The following HTT variants were observed in gnomAD, a reference collection of about 807,000 sequenced individuals.
The protein encoded by HTT is huntington disease protein.
A neutral mutation model predicts 362.3 loss-of-function variants in HTT; 104 were observed. The observed-to-expected ratio is 0.29, with a 90% confidence interval of 0.24 to 0.34. The LOEUF (loss-of-function observed/expected upper bound fraction) is 0.34. HTT is among the 10% of genes least tolerant of loss of function. The pLI is 1.00. For synonymous variants in HTT, 1,577 were observed against 1,548.7 expected (o/e 1.02, Z -0.43); for missense variants, 3,301 against 3,928.6 (o/e 0.84, Z 4.27).
At chr4:3,199,983 C>G in intron 41 of HTT, 44 bp downstream of exon 41, 1 of 1,535,612 alleles carries the variant, frequency 6.5e-7, no homozygotes, top group Non-Finnish European at 8.9e-7. Flanking sequence ...AGCCCAGCAC[C>G]CTGTCCTGAG....
Position 3,131,694 on chromosome 4 carries a change from G to A in HTT, c.2155G>A (p.Val719Met), listed in dbSNP as rs370257023. 3.7e-6 allele frequency: 6 copies of A among 1,613,684 alleles called. No homozygotes were observed. Among genetic ancestry groups the A allele is most frequent in the Non-Finnish European group, 5.1e-6 (6 of 1,179,736 alleles). ...VSVKALALSC[V>M]GAAVALHPES... ...CGTGAAGGCCCTGGCCCTCAGCTGT[G>A]TGGGAGCAGCTGTGGCCCTCCACCC... Residue 719 changes from valine (V) to methionine (M), a missense_variant, in exon 16 of 67, where the codon GTG becomes ATG. By Grantham distance (21) the Val-to-Met change is conservative. This residue lies in a region of HTT where 2,316 missense variants were observed against 2,658.5 expected (regional missense o/e 0.87). Coordinates refer to ENST00000355072, the MANE Select transcript of HTT (RefSeq NM_001388492.1).
intron 40 of HTT, among the ~76,000 whole-genome samples, chr4:3,196,238 G>C (rs1330673379): frequency 3.3e-5 from 5 of 152,136 alleles, no homozygotes. Context: ...CTTCTCATGA[G>C]CCTCTGTCCA....
At chr4:3,081,198 T>A (rs1261925624) in intron 1 of HTT, among the ~76,000 whole-genome samples, 1 of 152,234 alleles carries the variant, frequency 6.6e-6, no homozygotes, top group East Asian at 1.9e-4. Flanking sequence ...TTAACAATAT[T>A]GTCTTCCACC....
intron 1 of HTT, among the ~76,000 whole-genome samples, chr4:3,082,044 A>G (rs1003479910): frequency 3.3e-5 from 5 of 152,178 alleles, no homozygotes; most frequent in African/African-American, 7.2e-5. Context: ...TCTTCTTCCC[A>G]GATTTTAATA....
At chr4:3,117,873 A>G (rs1007140908) in intron 8 of HTT, among the ~76,000 whole-genome samples, 2 of 152,224 alleles carry the variant, frequency 1.3e-5, no homozygotes, top group East Asian at 1.9e-4. Flanking sequence ...AAACAGTGCC[A>G]TTGTTAGACC....
chr4:3,131,062 C>T (rs903675567), intron 14 of HTT, among the ~76,000 whole-genome samples: 1 of 151,966 alleles, frequency 6.6e-6, no homozygotes, highest in Non-Finnish European at 1.5e-5. Flanking sequence ...TGCATTTATC[C>T]CCTGCCACAG....
chr4:3,115,965 C>T (rs1715002446), intron 7 of HTT, 120 bp from the exon 8 acceptor site: 17 of 913,108 alleles, frequency 1.9e-5, no homozygotes, highest in South Asian at 1.8e-4. Context: ...ATGGCGTACT[C>T]GTTCATGATC....
At chr4:3,105,301 A>G in intron 4 of HTT, 56 bp from the exon 5 acceptor site, 1 of 1,158,054 alleles carries the variant, frequency 8.6e-7, no homozygotes, top group South Asian at 1.3e-5. Flanking sequence ...TTTCTATGCA[A>G]CCCTCTTGGT....
rs188101620 is a variant in HTT, at chr4:3,136,309, C to T, written c.2781C>T (p.Ala927=). The T allele has an allele frequency of 9.3e-5, 148 of 1,588,764 alleles. 1 individual carries two copies. In the East Asian group the frequency reaches 2.5e-3, roughly 27 times the overall value. Residue 927 remains alanine, a synonymous_variant, in exon 21 of 67, where the codon GCC becomes GCT. Coordinates refer to ENST00000355072, the MANE Select transcript of HTT (RefSeq NM_001388492.1). ...AAGACCCCAGGGTGCGACATGTTGC[C>T]GCAGCATCACTAATTAGGTATTTAC... The part of the protein sequence containing the change: ...GDEDPRVRHV[A]AASLIRLVPK...
At chr4:3,159,476 C>T (rs185954090) in intron 28 of HTT, among the ~76,000 whole-genome samples, 63 of 152,304 alleles carry the variant, frequency 4.1e-4, no homozygotes, top group African/African-American at 1.4e-3. Context: ...TTCCTTGGAC[C>T]CTCAGTGGTG....
chr4:3,135,665 T>C (rs984074928), intron 19 of HTT, among the ~76,000 whole-genome samples: 1 of 152,210 alleles, frequency 6.6e-6, no homozygotes, highest in Admixed American at 6.5e-5. Flanking sequence ...TCTTTTGAAA[T>C]AGTATTTATT....
intron 33 of HTT, among the ~76,000 whole-genome samples, chr4:3,175,441 A>G (rs1022328792): frequency 1.3e-5 from 2 of 152,238 alleles, no homozygotes; most frequent in Admixed American, 6.5e-5. Context: ...TTGTTTGGGG[A>G]ACATTTTTGC....
At chr4:3,233,101 G>T (rs2269478) in intron 60 of HTT, 62 bp from the exon 61 acceptor site, 577,750 of 1,415,940 alleles carry the variant, frequency 0.41, 120,101 homozygotes, top group African/African-American at 0.47. Flanking sequence ...TCGGCTGTGG[G>T]GAGGAGCCAC....
rs751985106 is a variant in HTT, at chr4:3,238,835, C to T, written c.9072C>T (p.His3024=). 2 of 1,611,178 alleles carry T rather than the reference C, an allele frequency of 1.2e-6. No homozygotes were observed. Among genetic ancestry groups the T allele is most frequent in the African/African-American group, 1.3e-5 (1 of 74,938 alleles). Residue 3024 remains histidine (H), a synonymous_variant, in exon 66 of 67, where the codon CAC becomes CAT. Transcript: ENST00000355072. ...TVVYKVFQTL[H]STGQSSMVRD... is the part of the protein sequence containing the mutation. ...CCTTGCAGGTGTTTCAGACTCTGCA[C>T]AGCACCGGGCAGTCGTCCATGGTCC...
chr4:3,238,808 C>T lies in HTT; in HGVS notation c.9055-10C>T, dbSNP rs897948024. 2.0e-6 allele frequency: 3 copies of T among 1,475,470 alleles called. No individual in the cohort carries two copies. The highest frequency in any genetic ancestry group is 2.7e-6 in the Non-Finnish European group (3 of 1,095,032). The allele number at this position is 1,475,470 out of a possible 1,614,324, so 91.4% of individuals were successfully genotyped here. A position where few individuals can be genotyped will look rare whatever the true frequency, so the allele number is the denominator to read the frequency against. On this transcript the variant is annotated splice_polypyrimidine_tract_variant and intron_variant, in intron 65 of 66. Coordinates refer to ENST00000355072, the MANE Select transcript of HTT (RefSeq NM_001388492.1). ...GCCCTGACACTCAGGCACCTGCTTG[C>T]TCCTTGCAGGTGTTTCAGACTCTGC...
intron 3 of HTT, among the ~76,000 whole-genome samples, chr4:3,100,348 T>C (rs1040339258): frequency 6.6e-6 from 1 of 152,196 alleles, no homozygotes; most frequent in Admixed American, 6.5e-5. Flanking sequence ...GATTGATGGG[T>C]GTGGCACTGC....
At chr4:3,104,347 T>C (rs533722136) in intron 4 of HTT, among the ~76,000 whole-genome samples, 54 of 151,392 alleles carry the variant, frequency 3.6e-4, no homozygotes, top group African/African-American at 1.1e-3. Context: ...CAGTGGCTCA[T>C]GCCTGTAATC....
intron 37 of HTT, among the ~76,000 whole-genome samples, chr4:3,183,864 G>T (rs190588836): frequency 2.2e-4 from 34 of 152,302 alleles, no homozygotes; most frequent in Admixed American, 2.2e-3. Context: ...CACCTGCCAG[G>T]TAGCTCACCA....
rs1273503483 is a variant in HTT at position 3,197,516 on chromosome 4, C to T, written c.5369-2216C>T. Among the ~76,000 whole-genome samples, 3 of 152,140 alleles carry T rather than the reference C, an allele frequency of 2.0e-5. No individual in the cohort carries two copies. The East Asian group carries it at 5.8e-4, about 29-fold the overall frequency. On this transcript the variant is annotated intron_variant, in intron 40 of 66. Transcript: ENST00000355072. ...AGGAGGTGGCCCTCAGAGTCCGTCT[C>T]ATCTTCCACCTGAACTTCCCTAATA...
Sources: allele counts gnomAD v4.1 joint callset (sites outside exome capture counted in the v4.1 genomes callset), GRCh38; gene constraint gnomAD v4.1.1; regional missense constraint gnomAD v4.1.1; transcripts MANE v1.5; gene names NCBI Gene and HGNC (gene_info 2026-07-23, HGNC 2026-07-21).